Variants in OSBPL9 observed in about 807,000 individuals in gnomAD.
OSBPL9 encodes oxysterol-binding protein-related protein 9.
In OSBPL9, 40 loss-of-function variants were observed where a neutral mutation model predicts 106.6. That is an observed-to-expected ratio of 0.38 (90% CI 0.29 to 0.49). OSBPL9 has a LOEUF of 0.49. OSBPL9 is among the 20% of genes least tolerant of loss of function. The pLI, the probability that OSBPL9 is intolerant of heterozygous loss-of-function variation, is 0.97. For missense variants in OSBPL9, 609 were observed against 887.2 expected, an observed-to-expected ratio of 0.69 and a Z score of 3.98; for synonymous variants, 269 against 295.4, an observed-to-expected ratio of 0.91 and a Z score of 0.92.
rs1197765397 is a variant in OSBPL9, at chr1:51,607,389, T to C, written c.-352-6916T>C. 2.0e-5 allele frequency among the ~76,000 whole-genome samples: 3 copies of C among 152,216 alleles called. No homozygotes were observed. The East Asian group carries it at 5.8e-4, about 30-fold the overall frequency. On this transcript the variant is annotated intron_variant, in intron 2 of 25. Coordinates refer to the OSBPL9 transcript ENST00000371714. ...GTTGGCCAGGCTGATCTCAAACTCC[T>C]GACCTCAAGTGATCTGCCCGGCTCA...
At position 51,788,913 on chromosome 1, in the gene OSBPL9, G is replaced by GTT. The variant is rs534606782; in HGVS notation, c.*1125_*1126dup. On this transcript the variant is annotated 3_prime_UTR_variant, in exon 24 of 24. Coordinates refer to ENST00000428468, the MANE Select transcript of OSBPL9 (RefSeq NM_024586.6). ...AACAGGTATTAGTACCTAGCATTTA[G>GTT]TTAGTTATTCAATATACTGGTTACG... Among the ~76,000 whole-genome samples the GTT allele has an allele frequency of 1.1e-5, 1 of 92,222 alleles. No homozygotes were observed. The highest frequency in any genetic ancestry group is 2.1e-5 in the Non-Finnish European group (1 of 48,668). The allele number at this position is 92,222 out of a possible 152,430, so 60.5% of individuals were successfully genotyped here.
chr1:51,704,537 C>A (rs1658013020), intron 3 of OSBPL9, among the ~76,000 whole-genome samples: 1 of 152,140 alleles, frequency 6.6e-6, no homozygotes, highest in African/African-American at 2.4e-5. Flanking sequence ...TAACAAATTA[C>A]CATAGATTAC....
In OSBPL9 at chr1:51,649,270, C is replaced by G. The variant is rs139710762; in HGVS notation, c.112-2721C>G. On this transcript the variant is annotated intron_variant, in intron 1 of 23. Coordinates refer to ENST00000428468, the MANE Select transcript of OSBPL9 (RefSeq NM_024586.6). ...TACAGGTGTGCACCACCATGCCCAG[C>G]TAATTTTTGTATTTTTAGTAGAGAT... 2.5e-4 allele frequency among the ~76,000 whole-genome samples: 38 copies of G among 152,178 alleles called. No individual in the cohort carries two copies. The East Asian group carries it at 3.7e-3, about 15-fold the overall frequency.
chr1:51,533,085 G>C, the OSBPL9 span, among the ~76,000 whole-genome samples: 1 of 152,032 alleles, frequency 6.6e-6, no homozygotes, highest in South Asian at 2.1e-4. Flanking sequence ...TTAATAACTG[G>C]AAGCAACCTC....
chr1:51,571,062 C>T, the OSBPL9 span, among the ~76,000 whole-genome samples: 1 of 152,206 alleles, frequency 6.6e-6, no homozygotes, highest in Non-Finnish European at 1.5e-5. Flanking sequence ...AGGCGTGAGT[C>T]ACCACACCCG....
chr1:51,543,403 T>C, the OSBPL9 span, among the ~76,000 whole-genome samples: 1 of 152,260 alleles, frequency 6.6e-6, no homozygotes, highest in East Asian at 1.9e-4. Flanking sequence ...AGAGGTTTTT[T>C]TGTTTTTTTT....
Position 51,729,886 on chromosome 1 carries a change from G to A in OSBPL9, c.319-15650G>A. On this transcript the variant is annotated intron_variant, in intron 4 of 23. Transcript: ENST00000428468. This position sits in a 1 kb window ranked among gnomAD's most constrained non-coding sequence, Gnocchi z 5.1. ...AGGACCGCCTGCACCGCAGTCCGGG[G>A]ATCGGGTCGAGGGGAGAAGAAAAAG... The A allele has an allele frequency of 7.9e-7, 1 of 1,261,286 alleles. No individual in the cohort carries two copies. Among genetic ancestry groups the A allele is most frequent in the Non-Finnish European group, 1.0e-6 (1 of 995,434 alleles). The allele number at this position is 1,261,286 out of a possible 1,614,324, so 78.1% of individuals were successfully genotyped here. A position where few individuals can be genotyped will look rare whatever the true frequency, so the allele number is the denominator to read the frequency against.
intron 1 of OSBPL9, among the ~76,000 whole-genome samples, chr1:51,633,566 G>A (rs958241366): frequency 3.6e-4 from 55 of 151,382 alleles, no homozygotes; most frequent in Non-Finnish European, 6.3e-4. Flanking sequence ...ACTCCAGCCC[G>A]GGCAACAGAG....
chr1:51,700,661 T>C (rs1657031464), intron 3 of OSBPL9, among the ~76,000 whole-genome samples: 2 of 152,364 alleles, frequency 1.3e-5, no homozygotes, highest in South Asian at 4.1e-4. Context: ...TTCAGAGGTA[T>C]AGGATGTCAA....
intron 3 of OSBPL9, among the ~76,000 whole-genome samples, chr1:51,694,745 ATT>A (rs1258007157): frequency 2.0e-5 from 3 of 152,306 alleles, no homozygotes; most frequent in Non-Finnish European, 4.4e-5. Flanking sequence ...AAAAAATTAC[ATT>A]TGTTGATATT....
chr1:51,631,490 A>G (rs1217490531), intron 1 of OSBPL9, among the ~76,000 whole-genome samples: 2 of 152,062 alleles, frequency 1.3e-5, no homozygotes, highest in African/African-American at 4.8e-5. Context: ...ACAGTGAGCT[A>G]TGATCATGCC....
At chr1:51,660,569 G>A (rs1647077651) in intron 2 of OSBPL9, among the ~76,000 whole-genome samples, 2 of 152,112 alleles carry the variant, frequency 1.3e-5, no homozygotes, top group Admixed American at 1.3e-4. Context: ...GGAATAAGAA[G>A]GTAAAATATT....
Position 51,741,797 on chromosome 1 carries a change from A to C in OSBPL9, c.319-3739A>C, listed in dbSNP as rs116161725. Among the ~76,000 whole-genome samples, 690 of 152,160 alleles carry C rather than the reference A, an allele frequency of 4.5e-3. 4 individuals carry two copies. Among genetic ancestry groups the C allele is most frequent in the Admixed American group, 0.012 (190 of 15,266 alleles). On this transcript the variant is annotated intron_variant, in intron 4 of 23. Transcript: ENST00000428468. ...CAGACCATTTTGTCTTTATTTCTCT[A>C]TAATTGTTGTGTATAATTTAAACTT...
At chr1:51,705,314 AC>A (rs1368116366) in intron 3 of OSBPL9, among the ~76,000 whole-genome samples, 2 of 137,066 alleles carry the variant, frequency 1.5e-5, no homozygotes, top group Admixed American at 7.6e-5. Flanking sequence ...TCTTTTTGAT[AC>A]CTGCATAGTA....
chr1:51,552,916 C>T, the OSBPL9 span, among the ~76,000 whole-genome samples: 20 of 151,928 alleles, frequency 1.3e-4, no homozygotes, highest in Middle Eastern at 6.3e-3. Context: ...GGCCACCATA[C>T]CTGGTCTTTC....
At chr1:51,786,735 G>A (rs778223195) in intron 22 of OSBPL9, 118 bp downstream of exon 22, 12 of 715,322 alleles carry the variant, frequency 1.7e-5, no homozygotes, top group Non-Finnish European at 2.8e-5. Context: ...GACCAAGTTT[G>A]AATTCCTGGG....
chr1:51,532,409 G>A, the OSBPL9 span, among the ~76,000 whole-genome samples: 9 of 152,274 alleles, frequency 5.9e-5, no homozygotes, highest in South Asian at 8.3e-4. Context: ...TGAGAATACC[G>A]AAGAGGGCTG....
At chr1:51,544,836 G>GTTTTTTTTTTTTTTTTTTTTTTTTT in the OSBPL9 span, among the ~76,000 whole-genome samples, 1 of 126,688 alleles carries the variant, frequency 7.9e-6, no homozygotes, top group African/African-American at 3.1e-5. Flanking sequence ...TAAGAGACAT[G>GTTTTTTTTTTTTTTTTTTTTTTTTT]CTTTTTTTTT....
chr1:51,638,067 G>A (rs866062817), intron 1 of OSBPL9, among the ~76,000 whole-genome samples: 1 of 152,032 alleles, frequency 6.6e-6, no homozygotes, highest in Non-Finnish European at 1.5e-5. Flanking sequence ...TTTGATATAT[G>A]TCTCTTTTCT....
Sources: gnomAD v4.1 joint callset for allele counts (sites outside exome capture counted in the v4.1 genomes callset) on GRCh38, gnomAD v4.1.1 for gene constraint, Gnocchi (gnomAD v3.1) non-coding constraint, MANE v1.5 for transcripts, NCBI Gene and HGNC (gene_info 2026-07-23, HGNC 2026-07-21) for gene names.